Variants in CC2D2A observed in about 807,000 individuals in gnomAD.
CC2D2A encodes the protein coiled-coil and C2 domain-containing protein 2A.
A neutral mutation model predicts 212.9 loss-of-function variants in CC2D2A; 155 were observed. That is an observed-to-expected ratio of 0.73 (90% CI 0.64 to 0.83). The LOEUF (loss-of-function observed/expected upper bound fraction) is 0.83, where lower values mean the gene tolerates loss of function less well. Ranked by LOEUF, CC2D2A falls within the 40% of genes least tolerant of loss-of-function variation. The pLI, the probability that CC2D2A is intolerant of heterozygous loss-of-function variation, is 0.00. For synonymous variants in CC2D2A, 667 were observed against 686.5 expected (o/e 0.97, Z 0.44); for missense variants, 1,856 against 1,956.2 (o/e 0.95, Z 0.97).
intron 18 of CC2D2A, 140 bp from the exon 19 acceptor site, chr4:15,553,018 A>G (rs1460815178): frequency 1.7e-5 from 11 of 634,604 alleles, no homozygotes; most frequent in Non-Finnish European, 2.5e-5. Flanking sequence ...AAATTCAGTG[A>G]CACTGGCTTG....
At chr4:15,538,526 C>G (rs1236900321) in intron 16 of CC2D2A, among the ~76,000 whole-genome samples, 1 of 152,142 alleles carries the variant, frequency 6.6e-6, no homozygotes, top group Non-Finnish European at 1.5e-5. Flanking sequence ...TCCCACCTTT[C>G]TGGCACAGGC....
intron 1 of CC2D2A, among the ~76,000 whole-genome samples, chr4:15,470,649 ATCTCTCTCTCTCTCTC>A (rs56039505): frequency 1.0e-5 from 1 of 98,580 alleles, no homozygotes; most frequent in Non-Finnish European, 1.8e-5. Context: ...CCAGCATGAA[ATCTCTCTCTCTCTCTC>A]TCTCTCTCTC....
chr4:15,475,516 C>T (rs1264866223), intron 1 of CC2D2A, among the ~76,000 whole-genome samples: 1 of 151,900 alleles, frequency 6.6e-6, no homozygotes, highest in Non-Finnish European at 1.5e-5. Context: ...GGCGGTGGCT[C>T]CATGTGGTGG....
Position 15,502,871 on chromosome 4 carries a change from G to GACGCTT in CC2D2A, c.390_395dup (p.Leu131_Arg132dup). The GACGCTT allele has an allele frequency of 5.0e-6, 8 of 1,611,996 alleles. No individual in the cohort carries two copies. The highest frequency in any genetic ancestry group is 6.8e-6 in the Non-Finnish European group (8 of 1,179,210). Reference sequence around the variant, plus strand: ...CAGGAAATCCCCACTCCTCGGCCCAGACGCTTACGAAGTCCCAGTAAGAAA... The same window carrying GACGCTT: ...CAGGAAATCCCCACTCCTCGGCCCAGACGCTTACGCTTACGAAGTCCCAGTAAGAAA... On this transcript the variant is annotated inframe_insertion, in exon 6 of 37. Coordinates refer to ENST00000424120, the MANE Select transcript of CC2D2A (RefSeq NM_001378615.1).
In CC2D2A at chr4:15,601,513, ATAT is replaced by A; in HGVS notation, c.*93_*95del. On this transcript the variant is annotated 3_prime_UTR_variant, in exon 37 of 37. Coordinates refer to ENST00000424120, the MANE Select transcript of CC2D2A (RefSeq NM_001378615.1). ...ATTATATGCATCACATCAGAAGAAC[ATAT>A]TATTGGCAAATAATAAAATTATCAA... is the stretch of plus-strand genomic sequence containing the variant. The A allele has an allele frequency of 2.6e-6, 2 of 764,144 alleles. No individual in the cohort carries two copies. The highest frequency in any genetic ancestry group is 4.0e-6 in the Non-Finnish European group (2 of 506,210). The allele number at this position is 764,144 out of a possible 1,614,324, so 47.3% of individuals were successfully genotyped here.
intron 33 of CC2D2A, among the ~76,000 whole-genome samples, chr4:15,592,489 C>T (rs184480152): frequency 7.9e-5 from 12 of 152,274 alleles, no homozygotes; most frequent in African/African-American, 2.9e-4. Context: ...TTCTCATTTT[C>T]ACTCCTCTCC....
intron 17 of CC2D2A, among the ~76,000 whole-genome samples, chr4:15,542,575 T>C (rs960796095): frequency 6.6e-6 from 1 of 152,194 alleles, no homozygotes; most frequent in Non-Finnish European, 1.5e-5. Flanking sequence ...TCCTAGTGAG[T>C]ATGACTGACA....
chr4:15,512,145 T>C (rs1040089936), intron 8 of CC2D2A, among the ~76,000 whole-genome samples: 3 of 152,196 alleles, frequency 2.0e-5, no homozygotes, highest in Non-Finnish European at 4.4e-5. Flanking sequence ...TGAAAAACAG[T>C]ATGGTGGTCC....
At chr4:15,585,192 TCA>T (rs1720810840) in intron 30 of CC2D2A, among the ~76,000 whole-genome samples, 1 of 152,180 alleles carries the variant, frequency 6.6e-6, no homozygotes, top group African/African-American at 2.4e-5. Context: ...GTATCTGCAC[TCA>T]CACGTGTATT....
Position 15,502,883 on chromosome 4 carries a change from G to A in CC2D2A, c.398G>A (p.Ser133Asn). 2 of 1,611,492 alleles carry A rather than the reference G, an allele frequency of 1.2e-6. No homozygotes were observed. The highest frequency in any genetic ancestry group is 2.2e-5 in the South Asian group (2 of 90,230). The change falls in exon 6 of 37, where the codon AGT becomes AAT. Residue 133 changes from serine to asparagine, a missense_variant. This residue lies in a region of CC2D2A where 1,512 missense variants were observed against 1,579.3 expected (regional missense o/e 0.96). Coordinates refer to ENST00000424120, the MANE Select transcript of CC2D2A (RefSeq NM_001378615.1). ...ACTCCTCGGCCCAGACGCTTACGAA[G>A]TCCCAGTAAGAAAGAATTGGAGACT... ...IPTPRPRRLR[S>N]PSKKELETEF...
At position 15,515,098 on chromosome 4, in the gene CC2D2A, C is replaced by G. The variant is rs542606495; in HGVS notation, c.880+229C>G. 1.2e-4 allele frequency among the ~76,000 whole-genome samples: 18 copies of G among 152,274 alleles called. No homozygotes were observed. In the South Asian group the frequency reaches 1.5e-3, roughly 12 times the overall value. On this transcript the variant is annotated intron_variant, in intron 9 of 36. Coordinates refer to ENST00000424120, the MANE Select transcript of CC2D2A (RefSeq NM_001378615.1). ...AGATATACCAGAGTACTGTGGGAAC[C>G]CTTTATCAAATCAGTGATCCATTAC...
At position 15,589,627 on chromosome 4, in the gene CC2D2A, T is replaced by A; in HGVS notation, c.4262T>A (p.Phe1421Tyr). ...TGCAGTGGACATTTTTATGGACAAT[T>A]TGATACATTCTGTCCCTTGAAAAAT... ...NPCSGHFYGQ[F>Y]DTFCPLKNVG... Residue 1421 changes from phenylalanine to tyrosine, a missense_variant, in exon 33 of 37, where the codon TTT becomes TAT. Phe to Tyr is a conservative substitution (Grantham distance 22). This residue lies in a region of CC2D2A where 285 missense variants were observed against 278.4 expected (regional missense o/e 1.02). Coordinates refer to ENST00000424120, the MANE Select transcript of CC2D2A (RefSeq NM_001378615.1). The A allele has an allele frequency of 6.2e-7, 1 of 1,611,826 alleles. No individual in the cohort carries two copies. The highest frequency in any genetic ancestry group is 8.5e-7 in the Non-Finnish European group (1 of 1,178,480).
Position 15,469,944 on chromosome 4 carries a change from C to T in CC2D2A, c.-132C>T, listed in dbSNP as rs1039351934. The T allele has an allele frequency of 1.3e-5, 2 of 152,220 alleles. No homozygotes were observed. The highest frequency in any genetic ancestry group is 4.8e-5 in the African/African-American group (2 of 41,458). The allele number at this position is 152,220 out of a possible 1,614,324, so 9.4% of individuals were successfully genotyped here. ...CCCAGGGAGGAGCCCAGGGGCATCT[C>T]CAACACTCAGCCTTTCCCTCCGGAC... On this transcript the variant is annotated 5_prime_UTR_variant, in exon 1 of 37. Transcript: ENST00000424120.
intron 20 of CC2D2A, among the ~76,000 whole-genome samples, chr4:15,555,541 C>T (rs1025614522): frequency 6.6e-6 from 1 of 152,186 alleles, no homozygotes; most frequent in Admixed American, 6.5e-5. Context: ...GAGTTCGAAA[C>T]CAGTCTGGGC....
intron 1 of CC2D2A, among the ~76,000 whole-genome samples, chr4:15,475,441 C>T (rs1714138244): frequency 6.6e-6 from 1 of 151,982 alleles, no homozygotes; most frequent in Non-Finnish European, 1.5e-5. Context: ...GGGCCTAGTG[C>T]ACTGTTCAAG....
At chr4:15,589,166 A>C in intron 32 of CC2D2A, among the ~76,000 whole-genome samples, 1 of 152,174 alleles carries the variant, frequency 6.6e-6, no homozygotes, top group East Asian at 1.9e-4. Flanking sequence ...AAATAGAAAT[A>C]TTTCTATTCA....
At chr4:15,519,332 G>T in intron 11 of CC2D2A, 1 of 410,324 alleles carries the variant, frequency 2.4e-6, no homozygotes, top group Non-Finnish European at 4.8e-6. Context: ...CCTCAGCCTG[G>T]ATTTCATTGT....
chr4:15,585,592 T>C (rs1206577194), intron 30 of CC2D2A, among the ~76,000 whole-genome samples: 1 of 152,220 alleles, frequency 6.6e-6, no homozygotes, highest in East Asian at 1.9e-4. Flanking sequence ...ATACAGTTAA[T>C]AATAATGTAT....
At chr4:15,500,967 C>T (rs527346715) in intron 4 of CC2D2A, among the ~76,000 whole-genome samples, 24 of 152,280 alleles carry the variant, frequency 1.6e-4, no homozygotes, top group African/African-American at 3.9e-4. Context: ...CAAGCACCTG[C>T]GACTTATCTG....
Sources: allele counts gnomAD v4.1 joint callset (sites outside exome capture counted in the v4.1 genomes callset), GRCh38; gene constraint gnomAD v4.1.1; regional missense constraint gnomAD v4.1.1; transcripts MANE v1.5; gene names NCBI Gene and HGNC (gene_info 2026-07-23, HGNC 2026-07-21).